STX16: variants seen among roughly 807,000 people sequenced by gnomAD.
The protein encoded by STX16 is syntaxin-16.
Under a neutral mutation model 42.7 loss-of-function variants are expected in STX16, and 28 were observed. That is an observed-to-expected ratio of 0.66 (90% CI 0.49 to 0.90). STX16 has a LOEUF of 0.90. Among genes scored for constraint, STX16 ranks in the 40% least tolerant of loss-of-function variants. STX16 has a pLI of 0.00. For synonymous variants in STX16, 156 were observed against 155.2 expected, an observed-to-expected ratio of 1.00 and a Z score of -0.04; for missense variants, 361 against 420.9, an observed-to-expected ratio of 0.86 and a Z score of 1.24.
At position 58,677,579 on chromosome 20, in the gene STX16, C is replaced by G. The variant is rs982604957; in HGVS notation, c.*1288C>G. On this transcript the variant is annotated 3_prime_UTR_variant, in exon 9 of 9. Coordinates refer to ENST00000371141, the MANE Select transcript of STX16 (RefSeq NM_001001433.3). The stretch of plus-strand genomic sequence containing the variant: ...TTTGAAGTTGTTCATGTTTTATTGG[C>G]TTTGTTTTAATTGACACTAGTAGAG... 6.6e-6 allele frequency: 1 copy of G among 152,182 alleles called. No homozygotes were observed. Among genetic ancestry groups the G allele is most frequent in the Non-Finnish European group, 1.5e-5 (1 of 68,040 alleles). The allele number at this position is 152,182 out of a possible 1,614,324, so 9.4% of individuals were successfully genotyped here.
intron 2 of STX16, among the ~76,000 whole-genome samples, chr20:58,665,943 T>C (rs1386885075): frequency 1.3e-5 from 2 of 152,188 alleles, no homozygotes; most frequent in Non-Finnish European, 2.9e-5. Context: ...GGGAGGTTGA[T>C]GGTGAAGATA....
chr20:58,655,610 A>G (rs2083568705), intron 1 of STX16, among the ~76,000 whole-genome samples: 1 of 152,204 alleles, frequency 6.6e-6, no homozygotes. Flanking sequence ...GGAAAATGCC[A>G]GCAGCTCCAT....
intron 1 of STX16, among the ~76,000 whole-genome samples, chr20:58,652,826 G>C (rs908820547): frequency 1.3e-5 from 2 of 151,998 alleles, no homozygotes; most frequent in Non-Finnish European, 1.5e-5. Flanking sequence ...AAAAAAGCCT[G>C]AGGAGGTATA....
intron 2 of STX16, among the ~76,000 whole-genome samples, chr20:58,661,415 T>C (rs2083695839): frequency 6.6e-6 from 1 of 152,266 alleles, no homozygotes; most frequent in Non-Finnish European, 1.5e-5. Flanking sequence ...AAGGGAGTCT[T>C]CACGCTCTGT....
intron 8 of STX16, among the ~76,000 whole-genome samples, chr20:58,675,118 T>G (rs1486951286): frequency 6.6e-6 from 1 of 151,836 alleles, no homozygotes; most frequent in South Asian, 2.1e-4. Context: ...AGTCGGCTAG[T>G]CTAAGGGTGA....
chr20:58,651,886 A>G lies in STX16; in HGVS notation c.-121A>G. 4.6e-6 allele frequency: 5 copies of G among 1,086,076 alleles called. No individual in the cohort carries two copies. The highest frequency in any genetic ancestry group is 5.4e-6 in the Non-Finnish European group (4 of 737,892). 67.3% of individuals were successfully genotyped at this position (1,086,076 alleles called of 1,614,324 possible). A position where few individuals can be genotyped will look rare whatever the true frequency, so the allele number is the denominator to read the frequency against. On this transcript the variant is annotated 5_prime_UTR_variant, in exon 1 of 9. Coordinates refer to ENST00000371141, the MANE Select transcript of STX16 (RefSeq NM_001001433.3). ...CTGCATCTTTTTGGCTTGAGGCCTG[A>G]GGCCTTGTCGAGAAGCTTCCGTGAA...
At chr20:58,667,662 A>G in intron 3 of STX16, 65 bp downstream of exon 3, 3 of 1,390,950 alleles carry the variant, frequency 2.2e-6, no homozygotes, top group Admixed American at 3.6e-5. Context: ...GTATTTTAAG[A>G]TATCTGTCAT....
At chr20:58,673,123 T>C (rs1231214738) in intron 7 of STX16, among the ~76,000 whole-genome samples, 1 of 152,214 alleles carries the variant, frequency 6.6e-6, no homozygotes, top group Non-Finnish European at 1.5e-5. Context: ...TTTTAGGTGG[T>C]AGACTGGAGT....
Position 58,671,274 on chromosome 20 carries a change from T to A in STX16, c.769T>A (p.Leu257Ile). ...ISDLNEIFRD[L>I]GAMIVEQGTV... is the part of the protein sequence containing the mutation. ...TGACCTGAATGAAATATTCAGGGACTTAGGGGCGATGATTGTAGAACAGGT... is the reference window on the plus strand; with the variant it reads ...TGACCTGAATGAAATATTCAGGGACATAGGGGCGATGATTGTAGAACAGGT... The change falls in exon 7 of 9, where the codon TTA (leucine) becomes ATA (isoleucine). Residue 257 changes from leucine to isoleucine, a missense_variant. By Grantham distance (5) the Leu-to-Ile change is conservative. Transcript: ENST00000371141. The A allele has an allele frequency of 6.2e-7, 1 of 1,613,230 alleles. No homozygotes were observed. The highest frequency in any genetic ancestry group is 8.5e-7 in the Non-Finnish European group (1 of 1,179,546).
Position 58,676,253 on chromosome 20 carries a change from G to A in STX16, c.940G>A (p.Val314Met), listed in dbSNP as rs778993571. The part of the protein sequence containing the change: ...VILILFVIII[V>M]LIVVLVGVKS... ...TTTAATATTATTTGTCATCATCATT[G>A]TGCTCATTGTTGTCCTCGTTGGCGT... is the stretch of plus-strand genomic sequence containing the variant. Residue 314 changes from valine (V) to methionine (M), a missense_variant, in exon 9 of 9, where the codon GTG (valine) becomes ATG (methionine). Val to Met is a conservative substitution (Grantham distance 21). Coordinates refer to ENST00000371141, the MANE Select transcript of STX16 (RefSeq NM_001001433.3). 2 of 1,614,086 alleles carry A rather than the reference G, an allele frequency of 1.2e-6. No individual in the cohort carries two copies. The highest frequency in any genetic ancestry group is 1.7e-6 in the Non-Finnish European group (2 of 1,180,036).
At chr20:58,671,069 C>T in intron 6 of STX16, 85 bp from the exon 7 acceptor site, 1 of 1,281,704 alleles carries the variant, frequency 7.8e-7, no homozygotes, top group Non-Finnish European at 1.1e-6. Flanking sequence ...TTTTCATTGT[C>T]TTTAAATTAT....
At chr20:58,663,591 G>A (rs535267028) in intron 2 of STX16, among the ~76,000 whole-genome samples, 4 of 152,178 alleles carry the variant, frequency 2.6e-5, no homozygotes, top group East Asian at 3.9e-4. Flanking sequence ...TATCAAAGAG[G>A]CAAGAATTCT....
intron 7 of STX16, among the ~76,000 whole-genome samples, chr20:58,672,522 A>G (rs940445857): frequency 6.6e-6 from 1 of 152,064 alleles, no homozygotes; most frequent in Non-Finnish European, 1.5e-5. Flanking sequence ...CAAATCCAAA[A>G]CACTTCTAGT....
chr20:58,662,575 A>T (rs1035317772), intron 2 of STX16, among the ~76,000 whole-genome samples: 1 of 152,166 alleles, frequency 6.6e-6, no homozygotes, highest in Admixed American at 6.5e-5. Flanking sequence ...CAGTGGCGCG[A>T]TCTCGGCTCA....
Position 58,676,322 on chromosome 20 carries a change from T to A in STX16, c.*31T>A. The A allele has an allele frequency of 1.3e-6, 2 of 1,588,336 alleles. No individual in the cohort carries two copies. The highest frequency in any genetic ancestry group is 1.1e-5 in the South Asian group (1 of 90,484). ...ATTGGGTTTTCGTGTGTGCCGCGCG[T>A]GTGGATCTCCCGGGTGTGAGGGGCT... is the stretch of plus-strand genomic sequence containing the variant. On this transcript the variant is annotated 3_prime_UTR_variant, in exon 9 of 9. Coordinates refer to ENST00000371141, the MANE Select transcript of STX16 (RefSeq NM_001001433.3).
rs1300219644 is a variant in STX16, at chr20:58,679,331, A to G, written c.*3040A>G. The G allele has an allele frequency of 6.6e-6, 1 of 152,668 alleles. No homozygotes were observed. Among genetic ancestry groups the G allele is most frequent in the African/African-American group, 2.4e-5 (1 of 41,452 alleles). 9.5% of individuals were successfully genotyped at this position (152,668 alleles called of 1,614,324 possible). A position where few individuals can be genotyped will look rare whatever the true frequency, so the allele number is the denominator to read the frequency against. ...TAGCTAATGGCTTCTTAAAGGTAAT[A>G]AAACCCTTCCAACGTAATTGGTCAG... On this transcript the variant is annotated 3_prime_UTR_variant, in exon 9 of 9. Coordinates refer to ENST00000371141, the MANE Select transcript of STX16 (RefSeq NM_001001433.3).
At chr20:58,663,576 C>G (rs2083749949) in intron 2 of STX16, among the ~76,000 whole-genome samples, 1 of 151,848 alleles carries the variant, frequency 6.6e-6, no homozygotes, top group Non-Finnish European at 1.5e-5. Flanking sequence ...GAGAGAGGAA[C>G]TACATATCAA....
Position 58,651,732 on chromosome 20 carries a change from G to T in STX16, c.-275G>T. 1 of 353,388 alleles carries T rather than the reference G, an allele frequency of 2.8e-6. No homozygotes were observed. The allele number at this position is 353,388 out of a possible 1,614,324, so 21.9% of individuals were successfully genotyped here. ...GGTGGGGTCTCTGGGACGTTGGATC[G>T]CTACGCAAGGATTGGGGGGATTCAA... On this transcript the variant is annotated 5_prime_UTR_variant, in exon 1 of 9. Transcript: ENST00000371141.
At chr20:58,655,266 G>A (rs549477821) in intron 1 of STX16, among the ~76,000 whole-genome samples, 2 of 152,242 alleles carry the variant, frequency 1.3e-5, no homozygotes, top group South Asian at 2.1e-4. Flanking sequence ...ATTAATTGCA[G>A]AGTAGTGTGT....
Sources: gnomAD v4.1 joint callset for allele counts (sites outside exome capture counted in the v4.1 genomes callset) on GRCh38, gnomAD v4.1.1 for gene constraint, MANE v1.5 for transcripts, NCBI Gene and HGNC (gene_info 2026-07-23, HGNC 2026-07-21) for gene names.